ARHGEF11: variants seen among roughly 807,000 people sequenced by gnomAD.
ARHGEF11 encodes Rho guanine nucleotide exchange factor 11, also known as Rho guanine exchange factor (GEF) 11.
In ARHGEF11, 55 loss-of-function variants were observed where a neutral mutation model predicts 193.7. The ratio of observed to expected loss-of-function variants is 0.28; its 90% CI spans 0.23 to 0.36. The LOEUF (loss-of-function observed/expected upper bound fraction) is 0.36. ARHGEF11 is among the 10% of genes least tolerant of loss of function. The pLI, the probability that ARHGEF11 is intolerant of heterozygous loss-of-function variation, is 1.00. For missense variants in ARHGEF11, 1,723 were observed against 2,005.6 expected, an observed-to-expected ratio of 0.86 and a Z score of 2.69; for synonymous variants, 693 against 768.0, an observed-to-expected ratio of 0.90 and a Z score of 1.62.
intron 37 of ARHGEF11, 46 bp downstream of exon 37, chr1:156,939,502 T>G (rs1656317733): frequency 6.2e-7 from 1 of 1,602,182 alleles, no homozygotes; most frequent in Non-Finnish European, 8.5e-7. Flanking sequence ...TTATCTCACC[T>G]AGCAAGGGTG....
chr1:156,990,343 G>A (rs867199899), intron 1 of ARHGEF11, among the ~76,000 whole-genome samples: 10 of 152,258 alleles, frequency 6.6e-5, no homozygotes, highest in Middle Eastern at 3.4e-3. Context: ...GTGACGGTAG[G>A]TTTGATTACT....
intron 1 of ARHGEF11, among the ~76,000 whole-genome samples, chr1:156,997,296 A>T (rs752267719): frequency 1.1e-4 from 16 of 152,198 alleles, no homozygotes; most frequent in Non-Finnish European, 2.1e-4. Context: ...AAAGTAACAT[A>T]TCATTGCTAG....
chr1:156,948,992 A>G lies in ARHGEF11; in HGVS notation c.1926-494T>C. The G allele has an allele frequency of 1.0e-6, 1 of 985,444 alleles. No individual in the cohort carries two copies. Among genetic ancestry groups the G allele is most frequent in the Non-Finnish European group, 1.2e-6 (1 of 829,938 alleles). The allele number at this position is 985,444 out of a possible 1,614,324, so 61.0% of individuals were successfully genotyped here. A position where few individuals can be genotyped will look rare whatever the true frequency, so the allele number is the denominator to read the frequency against. Reference sequence around the variant, plus strand: ...CGAACCTCTTTTAAGAGGTCTTAAGAGGAAAGTGGAGTCACTATATTCACA... The same window carrying G: ...CGAACCTCTTTTAAGAGGTCTTAAGGGGAAAGTGGAGTCACTATATTCACA... On this transcript the variant is annotated intron_variant, in intron 22 of 40. Transcript: ENST00000368194. This position sits in a 1 kb window ranked among gnomAD's most constrained non-coding sequence, Gnocchi z 4.2.
chr1:156,987,398 C>G (rs1296689065), intron 1 of ARHGEF11, among the ~76,000 whole-genome samples: 3 of 152,064 alleles, frequency 2.0e-5, no homozygotes, highest in Admixed American at 2.0e-4. Context: ...GTGAAATAAA[C>G]AAAATATAGA....
chr1:156,945,557 G>C (rs948232233), intron 29 of ARHGEF11: 2 of 271,448 alleles, frequency 7.4e-6, no homozygotes, highest in Admixed American at 9.9e-5. Flanking sequence ...TCTCTGTCCT[G>C]ACTCCAATGT....
chr1:156,945,227 G>T, intron 29 of ARHGEF11, 30 bp from the exon 30 acceptor site: 1 of 1,602,230 alleles, frequency 6.2e-7, no homozygotes, highest in Admixed American at 1.7e-5. Flanking sequence ...AGATGGTTGG[G>T]GCTCCTGCCT....
chr1:156,976,873 A>G, intron 7 of ARHGEF11, 110 bp downstream of exon 7: 1 of 974,904 alleles, frequency 1.0e-6, no homozygotes, highest in Non-Finnish European at 1.6e-6. Flanking sequence ...TTGAGGTTTT[A>G]CTGTGATAGG....
In ARHGEF11 at chr1:156,940,138, C is replaced by T. The variant is rs1327797251; in HGVS notation, c.3733+69G>A. On this transcript the variant is annotated intron_variant, in intron 36 of 40. Transcript: ENST00000368194. ...CCTTCGGGAAGGTGGAGGGTGCAGG[C>T]GCCTGCCAGTTCACACTGGGTGTGC... The T allele has an allele frequency of 1.4e-5, 21 of 1,493,528 alleles. No individual in the cohort carries two copies. In the Admixed American group the frequency reaches 2.4e-4, roughly 17 times the overall value. 92.5% of individuals were successfully genotyped at this position (1,493,528 alleles called of 1,614,324 possible). A position where few individuals can be genotyped will look rare whatever the true frequency, so the allele number is the denominator to read the frequency against.
intron 1 of ARHGEF11, among the ~76,000 whole-genome samples, chr1:157,043,370 T>C (rs1301310372): frequency 6.6e-6 from 1 of 152,022 alleles, no homozygotes; most frequent in Non-Finnish European, 1.5e-5. Flanking sequence ...GGAGAAGCGT[T>C]GAGGAGGGGT....
chr1:157,009,241 T>G (rs1292088180), intron 1 of ARHGEF11, among the ~76,000 whole-genome samples: 2 of 152,218 alleles, frequency 1.3e-5, no homozygotes, highest in Non-Finnish European at 2.9e-5. Context: ...TAAAATGGAC[T>G]TATACTTAAT....
At position 156,969,378 on chromosome 1, in the gene ARHGEF11, T is replaced by TC; in HGVS notation, c.749-21_749-20insG. The TC allele has an allele frequency of 6.3e-7, 1 of 1,589,474 alleles. No individual in the cohort carries two copies. ...GCCGGCCTGAGAAGAAAATAGTTTCTATAACACAGAAGGAGCTGTGGCCTA... is the reference window on the plus strand; with the variant it reads ...GCCGGCCTGAGAAGAAAATAGTTTCTCATAACACAGAAGGAGCTGTGGCCTA... On this transcript the variant is annotated intron_variant, in intron 9 of 40. Coordinates refer to ENST00000368194, the MANE Select transcript of ARHGEF11 (RefSeq NM_198236.3).
At chr1:156,985,341 T>C (rs968099049) in intron 2 of ARHGEF11, among the ~76,000 whole-genome samples, 3 of 152,232 alleles carry the variant, frequency 2.0e-5, no homozygotes, top group African/African-American at 7.2e-5. Flanking sequence ...ATGCCTAGTA[T>C]ACATCATGTG....
Position 156,970,003 on chromosome 1 carries a change from G to A in ARHGEF11, c.743C>T (p.Ser248Leu), listed in dbSNP as rs776411927. 6.2e-7 allele frequency: 1 copy of A among 1,614,032 alleles called. No individual in the cohort carries two copies. Among genetic ancestry groups the A allele is most frequent in the Non-Finnish European group, 8.5e-7 (1 of 1,179,918 alleles). ...AGGGGTGATGGGGGACTTACCTTCT[G>A]ATGGTCTCTGGCTGGTGTCACCATA... ...PLYGDTSQRP[S>L]EGRLSLDSQE... is the part of the protein sequence containing the mutation. Residue 248 changes from serine to leucine, a missense_variant, in exon 9 of 41, where the codon TCA (serine) becomes TTA (leucine). This residue lies in a region of ARHGEF11 where 646 missense variants were observed against 710.7 expected (regional missense o/e 0.91). Coordinates refer to ENST00000368194, the MANE Select transcript of ARHGEF11 (RefSeq NM_198236.3).
chr1:156,939,351 A>C lies in ARHGEF11; in HGVS notation c.4096+197T>G, dbSNP rs1656249871. ...AAGCCACACAGATATTAAGTGGCAG[A>C]GCTAAGCTCTGAATCTCGAATGTCC... On this transcript the variant is annotated intron_variant, in intron 37 of 40. Transcript: ENST00000368194. 6 of 696,374 alleles carry C rather than the reference A, an allele frequency of 8.6e-6. No individual in the cohort carries two copies. The South Asian group carries it at 1.1e-4, about 13-fold the overall frequency. The allele number at this position is 696,374 out of a possible 1,614,324, so 43.1% of individuals were successfully genotyped here.
At chr1:156,957,890 G>A (rs1022050871) in intron 17 of ARHGEF11, 75 bp from the exon 18 acceptor site, 2 of 1,490,794 alleles carry the variant, frequency 1.3e-6, no homozygotes, top group African/African-American at 1.4e-5. Flanking sequence ...GCTAGGAGGA[G>A]GGTAAGTTTT....
intron 33 of ARHGEF11, among the ~76,000 whole-genome samples, chr1:156,942,200 T>C (rs948798549): frequency 1.3e-5 from 2 of 152,194 alleles, no homozygotes; most frequent in Non-Finnish European, 2.9e-5. Context: ...TCTGTTACAC[T>C]CTGTGCAAAG....
intron 2 of ARHGEF11, among the ~76,000 whole-genome samples, chr1:156,985,209 C>T (rs939742572): frequency 7.9e-5 from 12 of 152,186 alleles, no homozygotes; most frequent in South Asian, 2.1e-4. Context: ...AGTAAGCTTG[C>T]GAACTTGGAC....
At chr1:156,984,178 G>A (rs1239098575) in intron 3 of ARHGEF11, among the ~76,000 whole-genome samples, 161 bp downstream of exon 3, 1 of 152,204 alleles carries the variant, frequency 6.6e-6, no homozygotes, top group Non-Finnish European at 1.5e-5. Flanking sequence ...ATTCTGCCTG[G>A]GGGCTTAGCA....
rs762165960 is a variant in ARHGEF11 at position 156,937,004 on chromosome 1, T to C, written c.4442A>G (p.Asp1481Gly). The change falls in exon 40 of 41, where the codon GAT becomes GGT. Residue 1481 changes from aspartate to glycine, a missense_variant and splice_region_variant. This residue lies in a region of ARHGEF11 where 360 missense variants were observed against 344.4 expected (regional missense o/e 1.05). Transcript: ENST00000368194. ...QLTLKLNRLKDMELAHRELLK... is the reference protein window; with the variant it reads ...QLTLKLNRLKGMELAHRELLK... ...CAGCTCTCTGTGGGCCAGCTCCATA[T>C]CCTGGAAGAGTCGGCGGGGGAATGT... The C allele has an allele frequency of 1.2e-6, 2 of 1,611,846 alleles. No individual in the cohort carries two copies. Among genetic ancestry groups the C allele is most frequent in the Non-Finnish European group, 1.7e-6 (2 of 1,178,126 alleles).
Sources: gnomAD v4.1 joint callset for allele counts (sites outside exome capture counted in the v4.1 genomes callset) on GRCh38, gnomAD v4.1.1 for gene constraint, gnomAD v4.1.1 regional missense constraint, Gnocchi (gnomAD v3.1) non-coding constraint, MANE v1.5 for transcripts, NCBI Gene and HGNC (gene_info 2026-07-23, HGNC 2026-07-21) for gene names.